Variants in CCDC7 observed in about 807,000 individuals in gnomAD.
The protein encoded by CCDC7 is coiled-coil domain containing 7, also known as coiled-coil domain-containing protein 7.
In CCDC7, 183 loss-of-function variants were observed where a neutral mutation model predicts 196.9. The observed-to-expected ratio is 0.93, with a 90% CI of 0.82 to 1.05. The LOEUF is 1.05. Ranked by LOEUF, CCDC7 falls within the 50% of genes least tolerant of loss-of-function variation. The pLI is 0.00. For synonymous variants in CCDC7, 525 were observed against 484.6 expected (o/e 1.08, Z -1.10); for missense variants, 1,540 against 1,482.2 (o/e 1.04, Z -0.64).
At chr10:32,793,852 T>C (rs1377244723) in intron 29 of CCDC7, among the ~76,000 whole-genome samples, 1 of 152,224 alleles carries the variant, frequency 6.6e-6, no homozygotes, top group Non-Finnish European at 1.5e-5. Context: ...CTGGAGAATA[T>C]TCCATGTGCT....
intron 11 of CCDC7, among the ~76,000 whole-genome samples, chr10:32,540,565 T>C (rs2051242682): frequency 1.3e-5 from 2 of 152,324 alleles, no homozygotes; most frequent in South Asian, 4.1e-4. Context: ...CTCGCTATCA[T>C]GTTGTTAGCA....
intron 11 of CCDC7, among the ~76,000 whole-genome samples, chr10:32,539,892 T>C (rs983969681): frequency 6.7e-6 from 1 of 149,878 alleles, no homozygotes; most frequent in African/African-American, 2.4e-5. Flanking sequence ...TGGTATGATT[T>C]TGATTTTTTT....
chr10:32,488,754 A>G (rs1427905345), intron 8 of CCDC7, among the ~76,000 whole-genome samples: 1 of 152,206 alleles, frequency 6.6e-6, no homozygotes, highest in Admixed American at 6.5e-5. Flanking sequence ...GTTTTCTTAT[A>G]GCTTACTGAG....
At chr10:32,860,498 C>T (rs756459141) in intron 41 of CCDC7, among the ~76,000 whole-genome samples, 12 of 152,066 alleles carry the variant, frequency 7.9e-5, no homozygotes, top group East Asian at 5.8e-4. Context: ...CTTTTAAAAC[C>T]GGCACAAGAC....
chr10:32,602,311 A>G (rs1023613632), intron 18 of CCDC7, among the ~76,000 whole-genome samples: 5 of 149,942 alleles, frequency 3.3e-5, no homozygotes, highest in African/African-American at 1.2e-4. Context: ...GAAGGAACAA[A>G]TTCTGGACAC....
upstream of CCDC7, among the ~76,000 whole-genome samples, chr10:32,449,343 C>T (rs185005447): frequency 4.5e-4 from 68 of 152,142 alleles, 1 homozygote; most frequent in Middle Eastern, 6.8e-3. Context: ...CCCACCACCA[C>T]GCCTGGATAA....
intron 24 of CCDC7, among the ~76,000 whole-genome samples, chr10:32,703,249 G>A (rs61856562): frequency 0.018 from 2,790 of 152,102 alleles, 55 homozygotes; most frequent in Non-Finnish European, 0.026. Flanking sequence ...GTTTGTAAAG[G>A]ATTTTATTTC....
intron 41 of CCDC7, among the ~76,000 whole-genome samples, chr10:32,867,186 CT>C (rs2094230052): frequency 1.3e-5 from 2 of 151,464 alleles, no homozygotes; most frequent in Admixed American, 1.3e-4. Context: ...ACAAATGCAA[CT>C]TGAATATGGG....
rs1554812977 is a variant in CCDC7 at position 32,511,265 on chromosome 10, G to GGGT, written c.873-6678_873-6677insTGG. Reference sequence around the variant, plus strand: ...ACAGAATTATTCTGTGGGGGGCGGGGGGGGCGGGGAAATGTACTTTTTGAA... The same window carrying GGGT: ...ACAGAATTATTCTGTGGGGGGCGGGGGGTGGGGCGGGGAAATGTACTTTTTGAA... On this transcript the variant is annotated intron_variant, in intron 9 of 41. Transcript: ENST00000639629. 3.1e-5 allele frequency: 17 copies of GGGT among 542,272 alleles called. 3 individuals carry two copies. Among genetic ancestry groups the GGGT allele is most frequent in the East Asian group, 2.9e-4 (9 of 31,096 alleles). 33.6% of individuals were successfully genotyped at this position (542,272 alleles called of 1,614,324 possible). A position where few individuals can be genotyped will look rare whatever the true frequency, so the allele number is the denominator to read the frequency against.
intron 18 of CCDC7, among the ~76,000 whole-genome samples, chr10:32,585,735 C>A (rs772699826): frequency 1.3e-5 from 2 of 152,216 alleles, no homozygotes; most frequent in South Asian, 4.2e-4. Flanking sequence ...TAGTATTCCA[C>A]GGTGTATATG....
chr10:32,700,212 A>T (rs1046569206), intron 24 of CCDC7, among the ~76,000 whole-genome samples: 1 of 149,288 alleles, frequency 6.7e-6, no homozygotes, highest in African/African-American at 2.6e-5. Context: ...TCTTTAATCG[A>T]TCTTGAATTA....
At chr10:32,613,406 A>G (rs900378038) in intron 18 of CCDC7, among the ~76,000 whole-genome samples, 3 of 151,934 alleles carry the variant, frequency 2.0e-5, no homozygotes, top group Non-Finnish European at 4.4e-5. Flanking sequence ...TTGTGTCTCT[A>G]TCTCCTTCAG....
chr10:32,800,303 C>T (rs1315631776), intron 29 of CCDC7, among the ~76,000 whole-genome samples: 1 of 152,120 alleles, frequency 6.6e-6, no homozygotes, highest in Non-Finnish European at 1.5e-5. Context: ...TAATGGCTTC[C>T]ATTTGGCCTT....
At chr10:32,493,091 A>G (rs2042391747) in intron 9 of CCDC7, among the ~76,000 whole-genome samples, 1 of 151,812 alleles carries the variant, frequency 6.6e-6, no homozygotes, top group Admixed American at 6.6e-5. Context: ...TGGTGAAAAC[A>G]CTTAAAAACT....
intron 9 of CCDC7, among the ~76,000 whole-genome samples, chr10:32,500,775 G>A (rs1481733073): frequency 1.3e-5 from 2 of 152,224 alleles, no homozygotes; most frequent in Admixed American, 6.5e-5. Context: ...CTGAGTGAGC[G>A]AGACTCCGTC....
intron 8 of CCDC7, among the ~76,000 whole-genome samples, chr10:32,476,052 G>A (rs111601915): frequency 1.6e-4 from 24 of 152,104 alleles, no homozygotes; most frequent in African/African-American, 5.8e-4. Context: ...AACCAATTTT[G>A]ATACATTATT....
chr10:32,797,259 GTATATATATGCGTATATA>G (rs1338577096), intron 29 of CCDC7, among the ~76,000 whole-genome samples: 2 of 149,782 alleles, frequency 1.3e-5, no homozygotes, highest in Non-Finnish European at 3.0e-5. Context: ...ATATATGTGT[GTATATATATGCGTATATA>G]TATACATATG....
At chr10:32,639,547 G>A (rs1236180564) in intron 20 of CCDC7, among the ~76,000 whole-genome samples, 8 of 151,774 alleles carry the variant, frequency 5.3e-5, no homozygotes, top group African/African-American at 1.7e-4. Context: ...GTAGTTGAGC[G>A]GTTTTGAGTG....
At chr10:32,711,115 G>T (rs945252662) in intron 24 of CCDC7, among the ~76,000 whole-genome samples, 1 of 145,776 alleles carries the variant, frequency 6.9e-6, no homozygotes, top group African/African-American at 2.7e-5. Flanking sequence ...CATTGTTTCT[G>T]GTGTGTGTGT....
Sources: allele counts gnomAD v4.1 joint callset (sites outside exome capture counted in the v4.1 genomes callset), GRCh38; gene constraint gnomAD v4.1.1; transcripts MANE v1.5; gene names NCBI Gene and HGNC (gene_info 2026-07-23, HGNC 2026-07-21).